PTPRN2: variants seen among roughly 807,000 people sequenced by gnomAD.
PTPRN2 encodes the protein protein tyrosine phosphatase receptor type N2, also known as receptor-type tyrosine-protein phosphatase N2.
In PTPRN2, 74 loss-of-function variants were observed where a neutral mutation model predicts 118.8. The observed-to-expected ratio is 0.62, with a 90% CI of 0.52 to 0.76. The LOEUF (loss-of-function observed/expected upper bound fraction) is 0.76. PTPRN2 is among the 30% of genes least tolerant of loss of function. The pLI, the probability that PTPRN2 is intolerant of heterozygous loss-of-function variation, is 0.00. For synonymous variants in PTPRN2, 641 were observed against 608.0 expected, an observed-to-expected ratio of 1.05 and a Z score of -0.80; for missense variants, 1,481 against 1,394.4, an observed-to-expected ratio of 1.06 and a Z score of -0.99.
intron 12 of PTPRN2, among the ~76,000 whole-genome samples, chr7:157,811,941 C>T (rs973000497): frequency 3.9e-5 from 6 of 152,118 alleles, no homozygotes; most frequent in Admixed American, 2.0e-4. Context: ...GGTGATAGGG[C>T]GATGGGGTCG....
intron 3 of PTPRN2, among the ~76,000 whole-genome samples, chr7:158,290,015 C>T (rs545243216): frequency 5.3e-5 from 8 of 152,128 alleles, no homozygotes; most frequent in South Asian, 2.1e-4. Flanking sequence ...GCCTGGCATC[C>T]GTTAAGGCAG....
chr7:158,288,225 C>T (rs1346477998), intron 3 of PTPRN2, among the ~76,000 whole-genome samples: 1 of 152,144 alleles, frequency 6.6e-6, no homozygotes, highest in East Asian at 1.9e-4. Context: ...TAGTTGGGTC[C>T]TATTTTTCAG....
At chr7:157,976,843 G>A (rs1802791146) in intron 11 of PTPRN2, among the ~76,000 whole-genome samples, 1 of 151,900 alleles carries the variant, frequency 6.6e-6, no homozygotes, top group Non-Finnish European at 1.5e-5. Context: ...GGGTATAGAG[G>A]TGTGGTAGCA....
At chr7:157,768,136 G>T (rs1802592734) in intron 12 of PTPRN2, among the ~76,000 whole-genome samples, 1 of 152,158 alleles carries the variant, frequency 6.6e-6, no homozygotes, top group African/African-American at 2.4e-5. Flanking sequence ...AAGCATCTTT[G>T]TTTAACAAAA....
At chr7:157,838,374 G>C (rs111346482) in intron 12 of PTPRN2, among the ~76,000 whole-genome samples, 47 of 109,276 alleles carry the variant, frequency 4.3e-4, no homozygotes, top group African/African-American at 8.0e-4. Flanking sequence ...GGAGAAAGCT[G>C]CTCTCTGCCG....
chr7:158,331,035 T>A (rs1346719464), intron 2 of PTPRN2, among the ~76,000 whole-genome samples: 1 of 137,516 alleles, frequency 7.3e-6, no homozygotes, highest in Non-Finnish European at 1.5e-5. Flanking sequence ...ACTCTCACCA[T>A]AAGAGGTGAC....
chr7:157,576,895 G>C, intron 18 of PTPRN2, 116 bp from the exon 19 acceptor site: 1 of 1,108,166 alleles, frequency 9.0e-7, no homozygotes, highest in Non-Finnish European at 1.3e-6. Context: ...GCTGCGAAGA[G>C]GGCACATTTT....
At position 158,022,507 on chromosome 7, in the gene PTPRN2, C is replaced by A. The variant is rs2128877051; in HGVS notation, c.1723+58791G>T. Among the ~76,000 whole-genome samples the A allele has an allele frequency of 6.6e-6, 1 of 151,454 alleles. No homozygotes were observed. The highest frequency in any genetic ancestry group is 3.4e-3 in the Middle Eastern group (1 of 290). On this transcript the variant is annotated intron_variant, in intron 11 of 22. Transcript: ENST00000389418. The surrounding 1 kb of genome is among the most constrained non-coding windows in gnomAD (Gnocchi z 4.6). ...TGTGTTCATAGCCAAGGCCCCGGCA[C>A]CCGGGCACTCTGTCTGGGGCAGCCC...
Position 157,953,450 on chromosome 7 carries a change from A to G in PTPRN2, c.1724-54713T>C, listed in dbSNP as rs1399278790. ...GTGGCATGGAGAGTGTCCTCCCAGG[A>G]TACAGCGGAGTGCCCGTCACCACCT... is the stretch of plus-strand genomic sequence containing the variant. On this transcript the variant is annotated intron_variant, in intron 11 of 22. Transcript: ENST00000389418. This position sits in a 1 kb window ranked among gnomAD's most constrained non-coding sequence, Gnocchi z 4.6. Among the ~76,000 whole-genome samples, 1 of 152,074 alleles carries G rather than the reference A, an allele frequency of 6.6e-6. No individual in the cohort carries two copies. The highest frequency in any genetic ancestry group is 2.4e-5 in the African/African-American group (1 of 41,416).
chr7:157,931,833 C>T (rs1799377186), intron 11 of PTPRN2, among the ~76,000 whole-genome samples: 2 of 152,138 alleles, frequency 1.3e-5, no homozygotes, highest in South Asian at 4.1e-4. Context: ...TTCTCCTGAG[C>T]ATGAGCATGT....
intron 2 of PTPRN2, among the ~76,000 whole-genome samples, chr7:158,440,685 GTGGTGA>G (rs1457964279): frequency 6.6e-6 from 1 of 150,954 alleles, no homozygotes; most frequent in Non-Finnish European, 1.5e-5. Flanking sequence ...GGTGGTGGTG[GTGGTGA>G]TGGTGATAGG....
At chr7:157,842,752 C>T (rs991567809) in intron 12 of PTPRN2, among the ~76,000 whole-genome samples, 1 of 152,192 alleles carries the variant, frequency 6.6e-6, no homozygotes, top group Non-Finnish European at 1.5e-5. Flanking sequence ...CCACAGTGCA[C>T]ACCCAGCCCT....
intron 10 of PTPRN2, among the ~76,000 whole-genome samples, chr7:158,085,229 T>C (rs1813225101): frequency 9.5e-6 from 1 of 104,760 alleles, no homozygotes; most frequent in Admixed American, 1.0e-4. Context: ...CAGATACCCA[T>C]CCACACCCAC....
chr7:158,128,660 T>C (rs975859214), intron 9 of PTPRN2, among the ~76,000 whole-genome samples: 3 of 152,084 alleles, frequency 2.0e-5, no homozygotes, highest in Non-Finnish European at 2.9e-5. Flanking sequence ...TTAGCAGCAA[T>C]GGCACAGGAT....
At position 158,502,255 on chromosome 7, in the gene PTPRN2, T is replaced by C. The variant is rs76031084; in HGVS notation, c.113-12470A>G. ...CGCCCACTTGCTTACAGATTGCCTATGGCCACTTTTGTCCTATAATAATTC... is the reference window on the plus strand; with the variant it reads ...CGCCCACTTGCTTACAGATTGCCTACGGCCACTTTTGTCCTATAATAATTC... On this transcript the variant is annotated intron_variant, in intron 1 of 22. Coordinates refer to ENST00000389418, the MANE Select transcript of PTPRN2 (RefSeq NM_002847.5). Among the ~76,000 whole-genome samples, 372 of 152,350 alleles carry C rather than the reference T, an allele frequency of 2.4e-3. 9 individuals carry two copies. In the East Asian group the frequency reaches 0.034, roughly 14 times the overall value.
rs553352760 is a variant in PTPRN2, at chr7:158,438,780, G to A, written c.163+50955C>T. 2.6e-5 allele frequency among the ~76,000 whole-genome samples: 4 copies of A among 152,300 alleles called. No homozygotes were observed. Among genetic ancestry groups the A allele is most frequent in the South Asian group, 2.1e-4 (1 of 4,820 alleles). On this transcript the variant is annotated intron_variant, in intron 2 of 22. Coordinates refer to ENST00000389418, the MANE Select transcript of PTPRN2 (RefSeq NM_002847.5). The surrounding 1 kb of genome is among the most constrained non-coding windows in gnomAD (Gnocchi z 4.7). ...TTCCTCAAAGACACTCTGACCAGGG[G>A]TCAGCAAACCAGAGCCCCGGGACCT...
intron 5 of PTPRN2, among the ~76,000 whole-genome samples, chr7:158,189,975 G>A (rs1825633376): frequency 6.6e-6 from 1 of 152,268 alleles, no homozygotes; most frequent in Non-Finnish European, 1.5e-5. Context: ...GCACAGGTGT[G>A]CGGAGGGAAT....
At chr7:157,855,296 G>T (rs945016654) in intron 12 of PTPRN2, among the ~76,000 whole-genome samples, 2 of 152,118 alleles carry the variant, frequency 1.3e-5, no homozygotes, top group Non-Finnish European at 2.9e-5. Context: ...CCCAACCCAC[G>T]CGCCGGCTTC....
chr7:158,205,047 C>G, intron 4 of PTPRN2, 124 bp downstream of exon 4: 1 of 823,688 alleles, frequency 1.2e-6, no homozygotes, highest in Non-Finnish European at 1.9e-6. Flanking sequence ...CTTTCTGAAA[C>G]GTCTGCACCA....
Sources: allele counts gnomAD v4.1 joint callset (sites outside exome capture counted in the v4.1 genomes callset), GRCh38; gene constraint gnomAD v4.1.1; non-coding constraint Gnocchi (gnomAD v3.1); transcripts MANE v1.5; gene names NCBI Gene and HGNC (gene_info 2026-07-23, HGNC 2026-07-21).